ATP9A: variants seen among roughly 807,000 people sequenced by gnomAD.
The protein encoded by ATP9A is probable phospholipid-transporting ATPase IIA.
In ATP9A, 52 loss-of-function variants were observed where a neutral mutation model predicts 144.1. The ratio of observed to expected loss-of-function variants is 0.36; its 90% CI spans 0.29 to 0.45. The LOEUF is 0.45. Among genes scored for constraint, ATP9A ranks in the 20% least tolerant of loss-of-function variants. The probability of loss-of-function intolerance (pLI) is 1.00; values close to 1 mark genes in which losing one functional copy is unlikely to be tolerated. For synonymous variants in ATP9A, 582 were observed against 557.4 expected, an observed-to-expected ratio of 1.04 and a Z score of -0.62; for missense variants, 947 against 1,392.7, an observed-to-expected ratio of 0.68 and a Z score of 5.09.
intron 13 of ATP9A, among the ~76,000 whole-genome samples, chr20:51,660,387 G>C (rs555883700): frequency 1.3e-5 from 2 of 152,266 alleles, no homozygotes; most frequent in South Asian, 2.1e-4. Context: ...TTGTATTCCA[G>C]GTGAAACAAT....
At chr20:51,616,974 T>A (rs1254467981) in intron 22 of ATP9A, among the ~76,000 whole-genome samples, 1 of 150,778 alleles carries the variant, frequency 6.6e-6, no homozygotes, top group South Asian at 2.1e-4. Flanking sequence ...CAGAGTCTTG[T>A]TCTGTTGCCC....
chr20:51,670,083 A>G lies in ATP9A; in HGVS notation c.1207T>C (p.Phe403Leu), dbSNP rs1226742453. The G allele has an allele frequency of 1.2e-6, 2 of 1,614,028 alleles. No homozygotes were observed. The highest frequency in any genetic ancestry group is 1.7e-6 in the Non-Finnish European group (2 of 1,180,002). ...ACTGTTCCGAGATGGAGCCGTTTGAAAATCATCTCGTTCTGGGTAAGAGTG... is the reference window on the plus strand; with the variant it reads ...ACTGTTCCGAGATGGAGCCGTTTGAGAATCATCTCGTTCTGGGTAAGAGTG... ...TGTLTQNEMI[F>L]KRLHLGTVAY... The change falls in exon 13 of 28, where the codon TTC (phenylalanine) becomes CTC (leucine). Residue 403 changes from phenylalanine to leucine, a missense_variant. Phe to Leu is a conservative substitution (Grantham distance 22, BLOSUM62 0). Around this residue, in one of 2 missense-constraint regions of ATP9A, gnomAD observed 770 missense variants for 1,047.9 expected, o/e 0.73. Coordinates refer to ENST00000338821, the MANE Select transcript of ATP9A (RefSeq NM_006045.3).
intron 5 of ATP9A, among the ~76,000 whole-genome samples, chr20:51,696,537 C>T (rs550284334): frequency 6.6e-6 from 1 of 152,130 alleles, no homozygotes; most frequent in Admixed American, 6.6e-5. Flanking sequence ...AACTTACCAG[C>T]TTGATGTTTG....
intron 1 of ATP9A, among the ~76,000 whole-genome samples, chr20:51,749,759 G>T (rs1329380414): frequency 6.6e-6 from 1 of 152,162 alleles, no homozygotes; most frequent in African/African-American, 2.4e-5. Flanking sequence ...TGACTAGAGA[G>T]AGTGGGAGGG....
intron 4 of ATP9A, among the ~76,000 whole-genome samples, chr20:51,706,519 G>A (rs2077615270): frequency 6.6e-6 from 1 of 152,222 alleles, no homozygotes; most frequent in Non-Finnish European, 1.5e-5. Context: ...CCAACACTTT[G>A]GGAAGCCAAG....
intron 1 of ATP9A, among the ~76,000 whole-genome samples, chr20:51,759,648 GGGC>G (rs2077870769): frequency 6.6e-6 from 1 of 151,830 alleles, no homozygotes; most frequent in South Asian, 2.1e-4. Context: ...ACTCCATCCT[GGGC>G]GACAAGAGCA....
chr20:51,729,942 C>A lies in ATP9A; in HGVS notation c.105G>T (p.Glu35Asp). Residue 35 changes from glutamate to aspartate, a missense_variant, in exon 2 of 28, where the codon GAG becomes GAT. Glu to Asp is a conservative substitution (Grantham distance 45, BLOSUM62 2). Around this residue, in one of 2 missense-constraint regions of ATP9A, gnomAD observed 770 missense variants for 1,047.9 expected, o/e 0.73. Transcript: ENST00000338821. Reference sequence around the variant, plus strand: ...CCAGCCAGACAGTGCGGGGCCTGGCCTCCCCTCCACCGCAGCATCTCAGCC... The same window carrying A: ...CCAGCCAGACAGTGCGGGGCCTGGCATCCCCTCCACCGCAGCATCTCAGCC... ...CEWLRCCGGG[E>D]ARPRTVWLGH... 1 of 1,577,632 alleles carries A rather than the reference C, an allele frequency of 6.3e-7. No homozygotes were observed. Among genetic ancestry groups the A allele is most frequent in the Non-Finnish European group, 8.6e-7 (1 of 1,166,968 alleles).
chr20:51,604,485 T>C (rs562650338), intron 27 of ATP9A, among the ~76,000 whole-genome samples: 17 of 152,296 alleles, frequency 1.1e-4, no homozygotes, highest in African/African-American at 3.6e-4. Context: ...ATCAGTTTCA[T>C]AGATTGGACT....
chr20:51,689,373 A>C (rs769012090), intron 8 of ATP9A, among the ~76,000 whole-genome samples: 2 of 152,134 alleles, frequency 1.3e-5, no homozygotes, highest in Non-Finnish European at 2.9e-5. Flanking sequence ...GTGATTTAAG[A>C]AGCGCAGGCC....
At chr20:51,610,920 T>C (rs137908374) in intron 23 of ATP9A, among the ~76,000 whole-genome samples, 156 of 152,318 alleles carry the variant, frequency 1.0e-3, no homozygotes, top group African/African-American at 2.3e-3. Flanking sequence ...CTCGCGGAAA[T>C]GTCTGCTTCC....
intron 16 of ATP9A, 110 bp downstream of exon 16, chr20:51,628,870 T>C: frequency 1.1e-6 from 1 of 874,432 alleles, no homozygotes; most frequent in Non-Finnish European, 1.8e-6. Context: ...TCAGGGTGGT[T>C]TGTTACACAG....
At position 51,659,355 on chromosome 20, in the gene ATP9A, T is replaced by C. The variant is rs1019220256; in HGVS notation, c.1294-2205A>G. ...CCTGAGTGAGTTACTCATCACTGTA[T>C]TCCTAGTATCCAGGGCAGTGTCTGG... On this transcript the variant is annotated intron_variant, in intron 13 of 27. Coordinates refer to ENST00000338821, the MANE Select transcript of ATP9A (RefSeq NM_006045.3). 3.3e-5 allele frequency among the ~76,000 whole-genome samples: 5 copies of C among 152,350 alleles called. No homozygotes were observed. The East Asian group carries it at 9.6e-4, about 29-fold the overall frequency.
intron 4 of ATP9A, among the ~76,000 whole-genome samples, chr20:51,701,312 C>T (rs1427447526): frequency 6.6e-6 from 1 of 152,166 alleles, no homozygotes; most frequent in Non-Finnish European, 1.5e-5. Flanking sequence ...CTAAAAGGAT[C>T]AGCAGGGCTT....
At position 51,708,864 on chromosome 20, in the gene ATP9A, C is replaced by T. The variant is rs200667099; in HGVS notation, c.436+4102G>A. On this transcript the variant is annotated intron_variant, in intron 4 of 27. Coordinates refer to ENST00000338821, the MANE Select transcript of ATP9A (RefSeq NM_006045.3). ...TGTCCTCTTCGAAATGTCAAGATCACGAAAGACAAAGAAAACCGAGGAGCT... is the reference window on the plus strand; with the variant it reads ...TGTCCTCTTCGAAATGTCAAGATCATGAAAGACAAAGAAAACCGAGGAGCT... Among the ~76,000 whole-genome samples the T allele has an allele frequency of 1.8e-4, 27 of 152,220 alleles. No homozygotes were observed. In the East Asian group the frequency reaches 4.3e-3, roughly 24 times the overall value.
At chr20:51,619,788 G>C (rs1051366688) in intron 19 of ATP9A, among the ~76,000 whole-genome samples, 18 of 146,986 alleles carry the variant, frequency 1.2e-4, no homozygotes, top group African/African-American at 4.3e-4. Flanking sequence ...AGAATCGCTT[G>C]AACCTGGGAG....
intron 9 of ATP9A, among the ~76,000 whole-genome samples, chr20:51,679,043 G>T (rs900521042): frequency 1.3e-5 from 2 of 152,112 alleles, no homozygotes; most frequent in African/African-American, 4.8e-5. Flanking sequence ...AAAAAATGAG[G>T]CCGGGCACGG....
intron 3 of ATP9A, among the ~76,000 whole-genome samples, chr20:51,724,379 T>C (rs1688290030): frequency 6.6e-6 from 1 of 152,180 alleles, no homozygotes; most frequent in Non-Finnish European, 1.5e-5. Context: ...TCTAAGCACA[T>C]GCCTGCTGCA....
At chr20:51,661,920 T>C (rs971830760) in intron 13 of ATP9A, among the ~76,000 whole-genome samples, 3 of 152,174 alleles carry the variant, frequency 2.0e-5, no homozygotes, top group Admixed American at 6.5e-5. Context: ...AATGTACCCA[T>C]ATATCATCAT....
chr20:51,753,112 A>C (rs1226123179), intron 1 of ATP9A, among the ~76,000 whole-genome samples: 1 of 151,618 alleles, frequency 6.6e-6, no homozygotes, highest in Admixed American at 6.6e-5. Flanking sequence ...CAAAAAAAAA[A>C]AGAAAGAAAG....
Sources: allele counts gnomAD v4.1 joint callset (sites outside exome capture counted in the v4.1 genomes callset), GRCh38; gene constraint gnomAD v4.1.1; regional missense constraint gnomAD v4.1.1; transcripts MANE v1.5; gene names NCBI Gene and HGNC (gene_info 2026-07-23, HGNC 2026-07-21).